The following NUP35 variants were observed in gnomAD, a reference collection of about 807,000 sequenced individuals.
The protein encoded by NUP35 is nucleoporin NUP35.
In NUP35, 25 loss-of-function variants were observed where a neutral mutation model predicts 41.5. That is an observed-to-expected ratio of 0.60 (90% CI 0.44 to 0.84). The LOEUF (loss-of-function observed/expected upper bound fraction) is 0.84. Among genes scored for constraint, NUP35 ranks in the 40% least tolerant of loss-of-function variants. The pLI is 0.00. For synonymous variants in NUP35, 149 were observed against 130.7 expected (o/e 1.14, Z -0.96); for missense variants, 396 against 396.6 (o/e 1.00, Z 0.01).
In NUP35 at chr2:183,158,400, T is replaced by C. The variant is rs2105621027; in HGVS notation, c.727T>C (p.Cys243Arg). 3.1e-6 allele frequency: 5 copies of C among 1,598,238 alleles called. No homozygotes were observed. The highest frequency in any genetic ancestry group is 1.1e-5 in the South Asian group (1 of 88,186). ...GESIMIGVKP[C>R]IDKSVMESSD... ...ATCCATCATGATTGGTGTAAAACCATGTATTGACAAAGTAAGTTATTGGTG... is the reference window on the plus strand; with the variant it reads ...ATCCATCATGATTGGTGTAAAACCACGTATTGACAAAGTAAGTTATTGGTG... Residue 243 changes from cysteine (C) to arginine (R), a missense_variant, in exon 7 of 9, where the codon TGT becomes CGT. Transcript: ENST00000295119.
intron 5 of NUP35, among the ~76,000 whole-genome samples, chr2:183,155,326 A>C (rs1023723100): frequency 1.1e-4 from 16 of 152,234 alleles, no homozygotes; most frequent in Non-Finnish European, 2.1e-4. Flanking sequence ...TGTACAATGA[A>C]GTTTTCCCTT....
At chr2:183,128,598 CTA>C (rs757864768) in intron 2 of NUP35, 141 bp downstream of exon 2, 2 of 370,196 alleles carry the variant, frequency 5.4e-6, no homozygotes, top group South Asian at 1.3e-4. Flanking sequence ...AGCTGATGAG[CTA>C]AAAAAAAAAA....
intron 1 of NUP35, among the ~76,000 whole-genome samples, chr2:183,126,637 A>G (rs1303003253): frequency 4.5e-5 from 5 of 111,476 alleles, no homozygotes; most frequent in African/African-American, 2.2e-4. Context: ...CCATTTATTG[A>G]ATTTGTTTTT....
chr2:183,119,061 A>C (rs1295347678), intron 1 of NUP35: 1 of 152,194 alleles, frequency 6.6e-6, no homozygotes, highest in African/African-American at 2.4e-5. Context: ...TTGCCTCTTA[A>C]TATGCATGCT....
chr2:183,158,447 C>T (rs1410458730), intron 7 of NUP35, 36 bp downstream of exon 7: 4 of 1,539,028 alleles, frequency 2.6e-6, no homozygotes, highest in South Asian at 1.3e-5. Context: ...GTAGCTTAAT[C>T]TATATGAAGA....
At chr2:183,131,235 T>A (rs1348359965) in intron 3 of NUP35, 1 of 157,248 alleles carries the variant, frequency 6.4e-6, no homozygotes, top group East Asian at 1.7e-4. Context: ...TGTGAGCCAC[T>A]GTGCCTGGCC....
At chr2:183,122,323 GC>G (rs1031834131), upstream of NUP35, among the ~76,000 whole-genome samples, 2 of 152,002 alleles carry the variant, frequency 1.3e-5, no homozygotes, top group Non-Finnish European at 2.9e-5. Flanking sequence ...TGATCCGCCC[GC>G]CTTGGCCTCC....
intron 2 of NUP35, among the ~76,000 whole-genome samples, chr2:183,130,067 A>C (rs529475600): frequency 6.6e-5 from 10 of 152,352 alleles, no homozygotes; most frequent in African/African-American, 2.4e-4. Flanking sequence ...CAAGTTTTGT[A>C]TTTAAATGTT....
intron 8 of NUP35, 200 bp downstream of exon 8, chr2:183,159,852 A>G (rs1685807249): frequency 2.1e-6 from 1 of 470,960 alleles, no homozygotes; most frequent in Non-Finnish European, 3.7e-6. Flanking sequence ...GAATTAAAAA[A>G]AAAAAATTAT....
chr2:183,155,174 T>C (rs1172637144), intron 5 of NUP35, among the ~76,000 whole-genome samples: 2 of 152,216 alleles, frequency 1.3e-5, no homozygotes, highest in African/African-American at 2.4e-5. Context: ...TACTGGAATG[T>C]ATCTATTATA....
At chr2:183,146,281 A>G (rs934559755) in intron 4 of NUP35, among the ~76,000 whole-genome samples, 23 of 152,328 alleles carry the variant, frequency 1.5e-4, no homozygotes, top group Middle Eastern at 3.4e-3. Flanking sequence ...GGGTTGCTAA[A>G]CAATTTGAGT....
intron 2 of NUP35, 66 bp from the exon 3 acceptor site, chr2:183,130,352 A>G (rs1684652326): frequency 2.0e-6 from 3 of 1,473,234 alleles, no homozygotes; most frequent in African/African-American, 2.9e-5. Context: ...TTTCAAAAAT[A>G]TAAATTTAAA....
In NUP35 at chr2:183,127,585, T is replaced by C. The variant is rs1261005137; in HGVS notation, c.41-702T>C. The stretch of plus-strand genomic sequence containing the variant: ...TATCACAATAATGATGAACTTTTTA[T>C]GGGGAAGAAAAAGAAACAATTTAGC... On this transcript the variant is annotated intron_variant, in intron 1 of 8. Transcript: ENST00000295119. Among the ~76,000 whole-genome samples, 3 of 152,226 alleles carry C rather than the reference T, an allele frequency of 2.0e-5. No homozygotes were observed. The East Asian group carries it at 5.8e-4, about 29-fold the overall frequency.
intron 4 of NUP35, among the ~76,000 whole-genome samples, chr2:183,135,993 C>T (rs1381622663): frequency 1.3e-5 from 2 of 152,190 alleles, no homozygotes; most frequent in Non-Finnish European, 2.9e-5. Flanking sequence ...AAGGAACACC[C>T]AATACAAATT....
At chr2:183,127,839 A>G (rs1374944047) in intron 1 of NUP35, among the ~76,000 whole-genome samples, 1 of 152,184 alleles carries the variant, frequency 6.6e-6, no homozygotes, top group East Asian at 1.9e-4. Context: ...TTGGGAGGCC[A>G]AGGCTGGTGG....
chr2:183,154,191 G>A (rs1685570602), intron 5 of NUP35, among the ~76,000 whole-genome samples: 1 of 152,216 alleles, frequency 6.6e-6, no homozygotes, highest in Non-Finnish European at 1.5e-5. Flanking sequence ...CCAGGCCTAT[G>A]ATGGGATTGG....
chr2:183,151,510 C>G lies in NUP35; in HGVS notation c.400C>G (p.Gln134Glu). Reference sequence around the variant, plus strand: ...ACTTGCTAAATATACTAATATAGGGCAAAGTATGTTTAGTCCAGCAAGTAT... The same window carrying G: ...ACTTGCTAAATATACTAATATAGGGGAAAGTATGTTTAGTCCAGCAAGTAT... ...VGVTSTPGTG[Q>E]SMFSPASIGQ... The change falls in exon 5 of 9, where the codon CAA becomes GAA. Residue 134 changes from glutamine (Q) to glutamate (E), a missense_variant and splice_region_variant. Gln to Glu is a conservative substitution (Grantham distance 29). Coordinates refer to ENST00000295119, the MANE Select transcript of NUP35 (RefSeq NM_138285.5). 1.2e-6 allele frequency: 2 copies of G among 1,613,488 alleles called. No homozygotes were observed. The highest frequency in any genetic ancestry group is 1.7e-6 in the Non-Finnish European group (2 of 1,179,756).
chr2:183,135,587 TAGG>T (rs1383252010), intron 4 of NUP35, among the ~76,000 whole-genome samples: 3 of 152,158 alleles, frequency 2.0e-5, no homozygotes, highest in Admixed American at 6.5e-5. Flanking sequence ...GGAGACAAGT[TAGG>T]AGGCTACTTG....
intron 4 of NUP35, among the ~76,000 whole-genome samples, chr2:183,149,901 CT>C (rs548031755): frequency 1.3e-5 from 2 of 151,876 alleles, no homozygotes; most frequent in African/African-American, 2.4e-5. Flanking sequence ...AAAATGCTAC[CT>C]TTTTTTTAAT....
Sources: gnomAD v4.1 joint callset for allele counts (sites outside exome capture counted in the v4.1 genomes callset) on GRCh38, gnomAD v4.1.1 for gene constraint, MANE v1.5 for transcripts, NCBI Gene and HGNC (gene_info 2026-07-23, HGNC 2026-07-21) for gene names.